Variants in ZNF37A observed in about 807,000 individuals in gnomAD.
ZNF37A encodes zinc finger protein 37A.
Under a neutral mutation model 12.3 loss-of-function variants are expected in ZNF37A, and 10 were observed. The observed-to-expected ratio is 0.82, with a 90% CI of 0.50 to 1.38. ZNF37A has a LOEUF of 1.38. ZNF37A is among the 40% of genes most tolerant of loss of function. The pLI, the probability that ZNF37A is intolerant of heterozygous loss-of-function variation, is 0.00. For missense variants in ZNF37A, 580 were observed against 651.2 expected (o/e 0.89, Z 1.19); for synonymous variants, 207 against 223.0 (o/e 0.93, Z 0.64).
At position 38,120,917 on chromosome 10, in the gene ZNF37A, ATTAGAAC is replaced by A. The variant is rs1472888458; in HGVS notation, c.*2085_*2091del. 6.6e-6 allele frequency: 1 copy of A among 152,232 alleles called. No individual in the cohort carries two copies. Among genetic ancestry groups the A allele is most frequent in the Non-Finnish European group, 1.5e-5 (1 of 68,050 alleles). 9.4% of individuals were successfully genotyped at this position (152,232 alleles called of 1,614,324 possible). A position where few individuals can be genotyped will look rare whatever the true frequency, so the allele number is the denominator to read the frequency against. ...CATTTTGCAGTACAAAGGAGAAATG[ATTAGAAC>A]TTAGGAAGTGCCAGTGGGTTGGTGA... is the stretch of plus-strand genomic sequence containing the variant. On this transcript the variant is annotated 3_prime_UTR_variant, in exon 8 of 8. Transcript: ENST00000685332.
intron 5 of ZNF37A, among the ~76,000 whole-genome samples, chr10:38,100,526 C>T (rs1590799573): frequency 6.6e-6 from 1 of 152,126 alleles, no homozygotes; most frequent in Non-Finnish European, 1.5e-5. Context: ...GAAAATTCAG[C>T]GATATTTCTC....
At chr10:38,114,954 T>C in intron 6 of ZNF37A, 73 bp downstream of exon 6, 2 of 1,514,848 alleles carry the variant, frequency 1.3e-6, no homozygotes, top group Non-Finnish European at 1.8e-6. Context: ...CTTGTGGAAC[T>C]TTTGTAAAAT....
rs190677876 is a variant in ZNF37A at position 38,101,903 on chromosome 10, A to G, written c.15+5271A>G. Among the ~76,000 whole-genome samples, 136 of 148,242 alleles carry G rather than the reference A, an allele frequency of 9.2e-4. No homozygotes were observed. The Middle Eastern group carries it at 0.01, about 11-fold the overall frequency. On this transcript the variant is annotated intron_variant, in intron 5 of 7. Coordinates refer to ENST00000685332, the MANE Select transcript of ZNF37A (RefSeq NM_001324250.3). Reference sequence around the variant, plus strand: ...AGTGGTGTGATCTTGACTCTCTGCAACCTCCGCCTCCAGGGTTCAAACAAT... The same window carrying G: ...AGTGGTGTGATCTTGACTCTCTGCAGCCTCCGCCTCCAGGGTTCAAACAAT...
chr10:38,141,875 G>A (rs954266239), intron 7 of ZNF37A: 17 of 152,146 alleles, frequency 1.1e-4, no homozygotes, highest in African/African-American at 4.1e-4. Flanking sequence ...TTTGGGAGGT[G>A]GAGGTGGGCA....
chr10:38,142,938 G>T (rs748982226), intron 7 of ZNF37A: 4 of 152,170 alleles, frequency 2.6e-5, no homozygotes, highest in Non-Finnish European at 5.9e-5. Context: ...ACTCAAGAAG[G>T]CCAGTCTGTC....
At position 38,095,763 on chromosome 10, in the gene ZNF37A, C is replaced by T. The variant is rs2067099086; in HGVS notation, c.-86C>T. 6.6e-6 allele frequency: 1 copy of T among 152,128 alleles called. No individual in the cohort carries two copies. Among genetic ancestry groups the T allele is most frequent in the African/African-American group, 2.4e-5 (1 of 41,412 alleles). 9.4% of individuals were successfully genotyped at this position (152,128 alleles called of 1,614,324 possible). A position where few individuals can be genotyped will look rare whatever the true frequency, so the allele number is the denominator to read the frequency against. On this transcript the variant is annotated 5_prime_UTR_variant, in exon 4 of 8. Transcript: ENST00000685332. ...TGGCAGAGTCAAGAACAGACAGAGT[C>T]GCTTGAGGACTCAGGAGGGTGTTTG...
intron 5 of ZNF37A, among the ~76,000 whole-genome samples, chr10:38,099,442 T>C (rs71491236): frequency 2.0e-3 from 298 of 152,334 alleles, no homozygotes; most frequent in Non-Finnish European, 3.3e-3. Context: ...CTCAGTGTTG[T>C]AGCATGTGTC....
intron 7 of ZNF37A, among the ~76,000 whole-genome samples, chr10:38,135,257 C>A (rs2070092791): frequency 6.6e-6 from 1 of 152,138 alleles, no homozygotes; most frequent in African/African-American, 2.4e-5. Context: ...TGGTGGTGCA[C>A]ACCTGTAGTC....
chr10:38,112,793 T>TTCTTTTCTTTTCTTG lies in ZNF37A; in HGVS notation c.16-1958_16-1957insTTCTTTTCTTGTCTT, dbSNP rs1554929952. Among the ~76,000 whole-genome samples, 11 of 48,772 alleles carry TTCTTTTCTTTTCTTG rather than the reference T, an allele frequency of 2.3e-4. 1 individual carries two copies. The highest frequency in any genetic ancestry group is 8.5e-4 in the East Asian group (1 of 1,172). The allele number at this position is 48,772 out of a possible 152,430, so 32.0% of individuals were successfully genotyped here. A position where few individuals can be genotyped will look rare whatever the true frequency, so the allele number is the denominator to read the frequency against. Reference sequence around the variant, plus strand: ...TTCTTTTCTTTTCTTTTCTTTTCTTTTCTTGTCTTGTCTTGTCTTCTTTTC... The same window carrying TTCTTTTCTTTTCTTG: ...TTCTTTTCTTTTCTTTTCTTTTCTTTTCTTTTCTTTTCTTGTCTTGTCTTGTCTTGTCTTCTTTTC... On this transcript the variant is annotated intron_variant, in intron 5 of 7. Coordinates refer to ENST00000685332, the MANE Select transcript of ZNF37A (RefSeq NM_001324250.3).
In ZNF37A at chr10:38,107,420, A is replaced by G. The variant is rs574004103; in HGVS notation, c.16-7335A>G. ...AACAACATACCAAATTGTAAAGACC[A>G]TCGATACTATGAAAAAACTGCATCA... On this transcript the variant is annotated intron_variant, in intron 5 of 7. Transcript: ENST00000685332. Among the ~76,000 whole-genome samples the G allele has an allele frequency of 3.6e-4, 55 of 152,340 alleles. No homozygotes were observed. The South Asian group carries it at 0.011, about 30-fold the overall frequency.
At chr10:38,115,549 T>A in intron 7 of ZNF37A, 1 of 309,428 alleles carries the variant, frequency 3.2e-6, no homozygotes, top group Non-Finnish European at 6.0e-6. Flanking sequence ...ATTAATAAAA[T>A]TTTATATATA....
intron 5 of ZNF37A, among the ~76,000 whole-genome samples, chr10:38,104,833 T>C (rs892524528): frequency 6.6e-6 from 1 of 152,130 alleles, no homozygotes; most frequent in African/African-American, 2.4e-5. Context: ...GGTCTGTCTA[T>C]ACATATTTTT....
At chr10:38,110,861 G>T (rs2068587402) in intron 5 of ZNF37A, among the ~76,000 whole-genome samples, 1 of 152,106 alleles carries the variant, frequency 6.6e-6, no homozygotes, top group African/African-American at 2.4e-5. Flanking sequence ...TAGAGAAATA[G>T]GAATGATTTT....
intron 5 of ZNF37A, among the ~76,000 whole-genome samples, chr10:38,103,383 A>T (rs1415974522): frequency 1.3e-5 from 2 of 152,130 alleles, no homozygotes; most frequent in African/African-American, 4.8e-5. Context: ...TCCTAATTAC[A>T]TTTTTATAAT....
chr10:38,100,499 G>C (rs1300152058), intron 5 of ZNF37A, among the ~76,000 whole-genome samples: 3 of 152,154 alleles, frequency 2.0e-5, no homozygotes, highest in Non-Finnish European at 4.4e-5. Context: ...CTGTTTCCCA[G>C]GGATGTTCCT....
At chr10:38,124,942 C>G, downstream of ZNF37A, 1 of 152,014 alleles carries the variant, frequency 6.6e-6, no homozygotes, top group East Asian at 1.9e-4. Context: ...AGAAAATATG[C>G]CAATGAAATC....
At chr10:38,097,406 C>T (rs1465786982) in intron 5 of ZNF37A, among the ~76,000 whole-genome samples, 1 of 151,502 alleles carries the variant, frequency 6.6e-6, no homozygotes, top group Non-Finnish European at 1.5e-5. Flanking sequence ...GGTGAAACCC[C>T]GTCTCTACTA....
intron 7 of ZNF37A, 123 bp from the exon 8 acceptor site, chr10:38,117,267 T>C (rs1311394897): frequency 4.8e-6 from 7 of 1,453,706 alleles, no homozygotes; most frequent in East Asian, 2.5e-5. Context: ...AGTGTGCACA[T>C]TGTCATAACA....
downstream of ZNF37A, chr10:38,125,227 A>G (rs1228551381): frequency 1.3e-5 from 2 of 152,222 alleles, no homozygotes; most frequent in Non-Finnish European, 2.9e-5. Flanking sequence ...GTTAAATTCA[A>G]AAGCTTGTGT....
Sources: gnomAD v4.1 joint callset for allele counts (sites outside exome capture counted in the v4.1 genomes callset) on GRCh38, gnomAD v4.1.1 for gene constraint, MANE v1.5 for transcripts, NCBI Gene and HGNC (gene_info 2026-07-23, HGNC 2026-07-21) for gene names.